The following PHKB variants were observed in gnomAD, a reference collection of about 807,000 sequenced individuals.
PHKB encodes phosphorylase b kinase regulatory subunit beta.
Under a neutral mutation model 152.1 loss-of-function variants are expected in PHKB, and 122 were observed. The observed-to-expected ratio is 0.80, with a 90% CI of 0.69 to 0.93. PHKB has a LOEUF of 0.93. Among genes scored for constraint, PHKB ranks in the 40% least tolerant of loss-of-function variants. The pLI, the probability that PHKB is intolerant of heterozygous loss-of-function variation, is 0.00. For synonymous variants in PHKB, 436 were observed against 464.9 expected (o/e 0.94, Z 0.80); for missense variants, 1,304 against 1,328.4 (o/e 0.98, Z 0.29).
intron 1 of PHKB, among the ~76,000 whole-genome samples, chr16:47,464,593 C>T (rs1057258917): frequency 3.9e-5 from 6 of 152,122 alleles, no homozygotes; most frequent in Admixed American, 1.3e-4. Context: ...GCTCTTCAGA[C>T]GTGTGCACAG....
intron 1 of PHKB, among the ~76,000 whole-genome samples, chr16:47,482,046 CCTT>C (rs1755404147): frequency 6.6e-6 from 1 of 152,190 alleles, no homozygotes; most frequent in Non-Finnish European, 1.5e-5. Flanking sequence ...TTGGGTTTAA[CCTT>C]ATTCACTAAA....
chr16:47,580,137 G>A (rs961135245), intron 7 of PHKB, among the ~76,000 whole-genome samples, 158 bp from the exon 8 acceptor site: 19 of 152,102 alleles, frequency 1.2e-4, no homozygotes, highest in African/African-American at 4.6e-4. Flanking sequence ...AATTAAAATA[G>A]TGAAATGTCA....
Position 47,701,117 on chromosome 16 carries a change from ACG to A in PHKB, c.*1752_*1753del, listed in dbSNP as rs1285248239. The A allele has an allele frequency of 6.6e-6, 1 of 152,210 alleles. No homozygotes were observed. Among genetic ancestry groups the A allele is most frequent in the East Asian group, 1.9e-4 (1 of 5,194 alleles). The allele number at this position is 152,210 out of a possible 1,614,324, so 9.4% of individuals were successfully genotyped here. On this transcript the variant is annotated 3_prime_UTR_variant, in exon 31 of 31. Coordinates refer to ENST00000323584, the MANE Select transcript of PHKB (RefSeq NM_000293.3). ...TTTGTAAAACTAATGCCTGAAAAAA[ACG>A]TAAGCATGAAGTCCATGGAGAGGGA...
intron 7 of PHKB, among the ~76,000 whole-genome samples, chr16:47,577,047 A>T (rs762408074): frequency 1.4e-4 from 21 of 151,348 alleles, no homozygotes; most frequent in Non-Finnish European, 8.9e-5. Flanking sequence ...AACTTAGCTG[A>T]TGCCATTTTA....
At chr16:47,698,696 C>A (rs1235541085) in intron 30 of PHKB, 108 bp downstream of exon 30, 1 of 1,025,274 alleles carries the variant, frequency 9.8e-7, no homozygotes, top group Middle Eastern at 3.3e-4. Flanking sequence ...AACAGATTCA[C>A]AGGTGCAAAA....
At chr16:47,587,180 A>G (rs1437652392) in intron 8 of PHKB, among the ~76,000 whole-genome samples, 1 of 152,172 alleles carries the variant, frequency 6.6e-6, no homozygotes, top group Non-Finnish European at 1.5e-5. Flanking sequence ...TGTTCAGATT[A>G]GTTGCTTTAT....
intron 28 of PHKB, among the ~76,000 whole-genome samples, chr16:47,695,870 A>G (rs555964653): frequency 6.6e-6 from 1 of 152,340 alleles, no homozygotes; most frequent in South Asian, 2.1e-4. Context: ...AGAGTAGAGG[A>G]AATTCTTTTA....
intron 6 of PHKB, 106 bp from the exon 7 acceptor site, chr16:47,547,327 C>G (rs1350055147): frequency 8.4e-6 from 6 of 717,170 alleles, no homozygotes; most frequent in East Asian, 2.7e-5. Context: ...CATGTAATCC[C>G]TCCCCTCAGC....
intron 16 of PHKB, among the ~76,000 whole-genome samples, chr16:47,646,745 T>G (rs1229587511): frequency 2.6e-5 from 4 of 152,022 alleles, no homozygotes; most frequent in Non-Finnish European, 5.9e-5. Flanking sequence ...AATTGGTACA[T>G]TATTTCTAGA....
intron 6 of PHKB, among the ~76,000 whole-genome samples, chr16:47,543,253 A>T (rs899819608): frequency 6.6e-6 from 1 of 152,098 alleles, no homozygotes; most frequent in African/African-American, 2.4e-5. Context: ...GCATCTATTG[A>T]GATAATGGTG....
At chr16:47,651,633 T>C (rs1460168703) in intron 20 of PHKB, among the ~76,000 whole-genome samples, 1 of 152,242 alleles carries the variant, frequency 6.6e-6, no homozygotes, top group Non-Finnish European at 1.5e-5. Flanking sequence ...TGCGGTCTAT[T>C]ATATAGGCTT....
At chr16:47,616,883 G>C (rs1372081509) in intron 14 of PHKB, among the ~76,000 whole-genome samples, 5 of 151,254 alleles carry the variant, frequency 3.3e-5, no homozygotes, top group Non-Finnish European at 7.4e-5. Flanking sequence ...TTAAAGGGAT[G>C]GGCTGAAATA....
intron 20 of PHKB, among the ~76,000 whole-genome samples, chr16:47,656,117 A>G (rs1429950484): frequency 2.0e-5 from 3 of 151,902 alleles, no homozygotes; most frequent in Non-Finnish European, 4.4e-5. Context: ...CCCAGGTTCA[A>G]GCGATTCTCC....
At position 47,693,445 on chromosome 16, in the gene PHKB, G is replaced by T. The variant is rs1974096999; in HGVS notation, c.2833G>T (p.Val945Leu). The T allele has an allele frequency of 1.2e-6, 2 of 1,613,964 alleles. No individual in the cohort carries two copies. Among genetic ancestry groups the T allele is most frequent in the Non-Finnish European group, 1.7e-6 (2 of 1,180,004 alleles). The change falls in exon 28 of 31, where the codon GTG becomes TTG. Residue 945 changes from valine (V) to leucine (L), a missense_variant. Transcript: ENST00000323584. ...AACTCCCACCGGGTTCTATGACCGA[G>T]TGTGGCAGATTCTGGAGCGCACGCC... ...NRTPTGFYDR[V>L]WQILERTPNG...
intron 1 of PHKB, among the ~76,000 whole-genome samples, chr16:47,496,796 T>C (rs1970240063): frequency 6.6e-6 from 1 of 152,168 alleles, no homozygotes; most frequent in Admixed American, 6.5e-5. Context: ...CACCTTTGAG[T>C]AGTTTTCAAG....
chr16:47,684,328 A>G (rs944065500), intron 26 of PHKB, among the ~76,000 whole-genome samples: 2 of 152,174 alleles, frequency 1.3e-5, no homozygotes, highest in African/African-American at 4.8e-5. Context: ...GTGTCTCAAA[A>G]AAAATAAAAT....
chr16:47,610,836 T>C lies in PHKB; in HGVS notation c.1374T>C (p.Leu458=), dbSNP rs749314594. Residue 458 remains leucine (L), a synonymous_variant, in exon 14 of 31, where the codon CTT becomes CTC. Transcript: ENST00000323584. ...CCTTCTTTTTTTCAGCTGATGAACT[T>C]ATTAGTCCTAAAGACATTGATCCTG... The part of the protein sequence containing the change: ...YIIAKLLADE[L]ISPKDIDPVQ... 7.5e-6 allele frequency: 12 copies of C among 1,597,252 alleles called. No homozygotes were observed. The highest frequency in any genetic ancestry group is 1.1e-5 in the South Asian group (1 of 90,746).
chr16:47,611,933 G>C (rs990513822), intron 14 of PHKB, among the ~76,000 whole-genome samples: 2 of 152,146 alleles, frequency 1.3e-5, no homozygotes, highest in African/African-American at 2.4e-5. Flanking sequence ...TTTATGTAAG[G>C]GGGTATTTGG....
chr16:47,497,577 A>G (rs748603970), intron 2 of PHKB, 89 bp downstream of exon 2: 104 of 798,240 alleles, frequency 1.3e-4, no homozygotes, highest in Non-Finnish European at 1.9e-4. Flanking sequence ...TATGTGGATG[A>G]TATTGTTCTG....
Sources: gnomAD v4.1 joint callset for allele counts (sites outside exome capture counted in the v4.1 genomes callset) on GRCh38, gnomAD v4.1.1 for gene constraint, MANE v1.5 for transcripts, NCBI Gene and HGNC (gene_info 2026-07-23, HGNC 2026-07-21) for gene names.